GALNT18: variants seen among roughly 807,000 people sequenced by gnomAD.
The protein encoded by GALNT18 is polypeptide N-acetylgalactosaminyltransferase 18.
A neutral mutation model predicts 69.5 loss-of-function variants in GALNT18; 44 were observed. The ratio of observed to expected loss-of-function variants is 0.63; its 90% CI spans 0.50 to 0.81. GALNT18 has a LOEUF of 0.81. Among genes scored for constraint, GALNT18 ranks in the 40% least tolerant of loss-of-function variants. The pLI, the probability that GALNT18 is intolerant of heterozygous loss-of-function variation, is 0.00. For missense variants in GALNT18, 715 were observed against 810.0 expected, an observed-to-expected ratio of 0.88 and a Z score of 1.42; for synonymous variants, 364 against 318.2, an observed-to-expected ratio of 1.14 and a Z score of -1.53.
chr11:11,388,646 C>T (rs1055365123), intron 3 of GALNT18, among the ~76,000 whole-genome samples: 3 of 152,202 alleles, frequency 2.0e-5, no homozygotes, highest in East Asian at 1.9e-4. Context: ...AGGATGTGCA[C>T]GATGAGCTCG....
chr11:11,311,167 C>T (rs1378243201), intron 9 of GALNT18, among the ~76,000 whole-genome samples: 1 of 152,134 alleles, frequency 6.6e-6, no homozygotes, highest in African/African-American at 2.4e-5. Context: ...ACTGCCCCAC[C>T]TAAAAAGTTG....
rs76015739 is a variant in GALNT18 at position 11,465,918 on chromosome 11, G to T, written c.236-16982C>A. On this transcript the variant is annotated intron_variant, in intron 1 of 10. Coordinates refer to ENST00000227756, the MANE Select transcript of GALNT18 (RefSeq NM_198516.3). This position sits in a 1 kb window ranked among gnomAD's most constrained non-coding sequence, Gnocchi z 5.7. Reference sequence around the variant, plus strand: ...CTCACCAGTGCTCTGCTCAACATAGGGGGTAGGAAGGTCTCCCAGATGTGG... The same window carrying T: ...CTCACCAGTGCTCTGCTCAACATAGTGGGTAGGAAGGTCTCCCAGATGTGG... 9.2e-5 allele frequency among the ~76,000 whole-genome samples: 14 copies of T among 152,192 alleles called. No individual in the cohort carries two copies. In the East Asian group the frequency reaches 2.3e-3, roughly 25 times the overall value.
intron 3 of GALNT18, among the ~76,000 whole-genome samples, chr11:11,392,951 C>A (rs771707050): frequency 6.6e-5 from 10 of 152,246 alleles, no homozygotes; most frequent in Non-Finnish European, 1.3e-4. Context: ...ACTTTGCCAT[C>A]TTTCCTCCTA....
chr11:11,352,997 C>A (rs772765562), intron 6 of GALNT18: 5 of 1,614,014 alleles, frequency 3.1e-6, no homozygotes, highest in Non-Finnish European at 4.2e-6. Flanking sequence ...ATTTTCGAAC[C>A]AGCTGGTAGT....
In GALNT18 at chr11:11,313,948, AC is replaced by A. The variant is rs1849710070; in HGVS notation, c.1512+13137del. ...CCAGTTTGAACGAGAGACCAATATTACTGAGCCCAGTTCTGTGCCCGATTTG... is the reference window on the plus strand; with the variant it reads ...CCAGTTTGAACGAGAGACCAATATTATGAGCCCAGTTCTGTGCCCGATTTG... On this transcript the variant is annotated intron_variant, in intron 9 of 10. Coordinates refer to ENST00000227756, the MANE Select transcript of GALNT18 (RefSeq NM_198516.3). Among the ~76,000 whole-genome samples the A allele has an allele frequency of 2.0e-5, 3 of 152,366 alleles. No homozygotes were observed. In the South Asian group the frequency reaches 6.2e-4, roughly 32 times the overall value.
At chr11:11,508,240 C>A (rs897333181) in intron 1 of GALNT18, among the ~76,000 whole-genome samples, 1 of 152,108 alleles carries the variant, frequency 6.6e-6, no homozygotes, top group Non-Finnish European at 1.5e-5. Flanking sequence ...CACACATATA[C>A]CCTTTTTTGT....
intron 3 of GALNT18, among the ~76,000 whole-genome samples, chr11:11,390,628 A>T (rs1854164708): frequency 6.6e-6 from 1 of 152,144 alleles, no homozygotes. Flanking sequence ...GGCTTCACAC[A>T]TGTACTTACA....
Position 11,620,084 on chromosome 11 carries a change from C to G in GALNT18, c.235+1275G>C, listed in dbSNP as rs1390776449. 7.0e-6 allele frequency among the ~76,000 whole-genome samples: 1 copy of G among 142,720 alleles called. No homozygotes were observed. Among genetic ancestry groups the G allele is most frequent in the African/African-American group, 2.6e-5 (1 of 37,846 alleles). 93.6% of individuals were successfully genotyped at this position (142,720 alleles called of 152,430 possible). A position where few individuals can be genotyped will look rare whatever the true frequency, so the allele number is the denominator to read the frequency against. ...TCTACTCTGGCAAGAGCAGCAGGTG[C>G]AAGGATTGGAATTCAGACATCCACG... On this transcript the variant is annotated intron_variant, in intron 1 of 10. Transcript: ENST00000227756. The surrounding 1 kb of genome is among the most constrained non-coding windows in gnomAD (Gnocchi z 6.9).
chr11:11,482,579 C>T (rs751091943), intron 1 of GALNT18, among the ~76,000 whole-genome samples: 29 of 152,214 alleles, frequency 1.9e-4, no homozygotes, highest in African/African-American at 3.1e-4. Flanking sequence ...AGGACAGTCA[C>T]ACCAGCTTGG....
intron 1 of GALNT18, among the ~76,000 whole-genome samples, chr11:11,520,122 C>A (rs373242501): frequency 1.3e-5 from 2 of 152,218 alleles, no homozygotes; most frequent in African/African-American, 4.8e-5. Flanking sequence ...TGCCCTTGGG[C>A]GATGTTTTTA....
rs148015410 is a variant in GALNT18, at chr11:11,337,915, A to G, written c.1278+2904T>C. On this transcript the variant is annotated intron_variant, in intron 7 of 10. Transcript: ENST00000227756. This position sits in a 1 kb window ranked among gnomAD's most constrained non-coding sequence, Gnocchi z 4.9. ...GGGAACTTTTGATGCCATGCCAAAC[A>G]CTGGGCTTTGTGCTTGATTTTGTAC... Among the ~76,000 whole-genome samples, 2,294 of 151,136 alleles carry G rather than the reference A, an allele frequency of 0.015. 33 individuals are homozygous for G. The highest frequency in any genetic ancestry group is 0.024 in the Middle Eastern group (7 of 292).
intron 1 of GALNT18, among the ~76,000 whole-genome samples, chr11:11,571,086 C>A (rs1858782870): frequency 6.6e-6 from 1 of 152,186 alleles, no homozygotes; most frequent in South Asian, 2.1e-4. Context: ...TGCTTCCTTT[C>A]TTGCCTTCAT....
Position 11,413,649 on chromosome 11 carries a change from G to A in GALNT18, c.595+18972C>T, listed in dbSNP as rs118114779. On this transcript the variant is annotated intron_variant, in intron 3 of 10. Transcript: ENST00000227756. The surrounding 1 kb of genome is among the most constrained non-coding windows in gnomAD (Gnocchi z 4.7). ...CCACTCTGGGTCTGTGGCTGCACCC[G>A]GGGCCCCAGCATGGAGCAGAGGGAG... 5.4e-3 allele frequency among the ~76,000 whole-genome samples: 821 copies of A among 152,214 alleles called. 8 individuals carry two copies. The highest frequency in any genetic ancestry group is 9.7e-3 in the Non-Finnish European group (658 of 68,000).
At chr11:11,370,106 C>G (rs1850865476) in intron 6 of GALNT18, among the ~76,000 whole-genome samples, 1 of 152,046 alleles carries the variant, frequency 6.6e-6, no homozygotes, top group African/African-American at 2.4e-5. Context: ...CAATAATAGT[C>G]TTTTTAGGGT....
At chr11:11,484,727 A>T (rs1199874808) in intron 1 of GALNT18, among the ~76,000 whole-genome samples, 1 of 152,108 alleles carries the variant, frequency 6.6e-6, no homozygotes, top group Non-Finnish European at 1.5e-5. Flanking sequence ...CAAAAACAAG[A>T]GTCCCAGGGA....
intron 10 of GALNT18, among the ~76,000 whole-genome samples, chr11:11,282,951 G>C (rs1849114268): frequency 6.6e-6 from 1 of 152,076 alleles, no homozygotes; most frequent in South Asian, 2.1e-4. Flanking sequence ...GTGGTGGAGA[G>C]CTGGAGGCAG....
chr11:11,328,070 T>A (rs1384335291), intron 8 of GALNT18, among the ~76,000 whole-genome samples: 1 of 152,122 alleles, frequency 6.6e-6, no homozygotes, highest in African/African-American at 2.4e-5. Flanking sequence ...CTGTTTAAAC[T>A]GGGCATGGGG....
At chr11:11,526,625 C>G (rs1300909460) in intron 1 of GALNT18, among the ~76,000 whole-genome samples, 2 of 152,170 alleles carry the variant, frequency 1.3e-5, no homozygotes, top group Admixed American at 1.3e-4. Context: ...GGCTACATCT[C>G]AGGCTACACG....
intron 6 of GALNT18, among the ~76,000 whole-genome samples, chr11:11,354,667 A>G (rs1850489210): frequency 6.6e-6 from 1 of 152,208 alleles, no homozygotes; most frequent in Admixed American, 6.5e-5. Context: ...CACTGATGAT[A>G]AGATTCACTA....
Sources: allele counts gnomAD v4.1 joint callset (sites outside exome capture counted in the v4.1 genomes callset), GRCh38; gene constraint gnomAD v4.1.1; non-coding constraint Gnocchi (gnomAD v3.1); transcripts MANE v1.5; gene names NCBI Gene and HGNC (gene_info 2026-07-23, HGNC 2026-07-21).